Variants in CDH13 observed in about 807,000 individuals in gnomAD.
The protein encoded by CDH13 is cadherin 13.
A neutral mutation model predicts 63.8 loss-of-function variants in CDH13; 24 were observed. The ratio of observed to expected loss-of-function variants is 0.38; its 90% confidence interval spans 0.27 to 0.53. CDH13 has a LOEUF of 0.53. Among genes scored for constraint, CDH13 ranks in the 20% least tolerant of loss-of-function variants. The probability of loss-of-function intolerance (pLI) is 0.85; values close to 1 mark genes in which losing one functional copy is unlikely to be tolerated. For missense variants in CDH13, 1,049 were observed against 903.1 expected, an observed-to-expected ratio of 1.16 and a Z score of -2.07; for synonymous variants, 503 against 355.3, an observed-to-expected ratio of 1.42 and a Z score of -4.67.
Position 82,689,401 on chromosome 16 carries a change from G to T in CDH13, c.45+62264G>T, listed in dbSNP as rs570316594. On this transcript the variant is annotated intron_variant, in intron 1 of 13. Coordinates refer to ENST00000567109, the MANE Select transcript of CDH13 (RefSeq NM_001257.5). The stretch of plus-strand genomic sequence containing the variant: ...TGTTATCATTTGGGTCCATTATTAA[G>T]ACTATCATTATCATAGTCAGTTTAG... Among the ~76,000 whole-genome samples, 17 of 152,216 alleles carry T rather than the reference G, an allele frequency of 1.1e-4. No individual in the cohort carries two copies. In the South Asian group the frequency reaches 3.3e-3, roughly 30 times the overall value.
At chr16:83,190,685 C>T (rs28710960) in intron 4 of CDH13, among the ~76,000 whole-genome samples, 43,419 of 151,992 alleles carry the variant, frequency 0.29, 7,690 homozygotes, top group African/African-American at 0.51. Context: ...GCCCCAAGTG[C>T]TAATACTCTG....
rs370924103 is a variant in CDH13, at chr16:82,671,968, C to G, written c.45+44831C>G. On this transcript the variant is annotated intron_variant, in intron 1 of 13. Transcript: ENST00000567109. ...TTTGTTTATGAATTCTGCCCTCCCCCTCTTGCCCTGAGACTATCACCTGCT... is the reference window on the plus strand; with the variant it reads ...TTTGTTTATGAATTCTGCCCTCCCCGTCTTGCCCTGAGACTATCACCTGCT... Among the ~76,000 whole-genome samples the G allele has an allele frequency of 3.5e-3, 539 of 152,306 alleles. 1 individual carries two copies. Among genetic ancestry groups the G allele is most frequent in the South Asian group, 0.015 (72 of 4,818 alleles).
intron 1 of CDH13, among the ~76,000 whole-genome samples, chr16:82,698,460 C>T (rs1043001656): frequency 7.2e-5 from 11 of 152,222 alleles, no homozygotes; most frequent in African/African-American, 2.2e-4. Flanking sequence ...GCTCACTGCC[C>T]ATGCATATGG....
At chr16:83,247,734 C>T (rs1486194710) in intron 5 of CDH13, among the ~76,000 whole-genome samples, 1 of 152,090 alleles carries the variant, frequency 6.6e-6, no homozygotes, top group South Asian at 2.1e-4. Flanking sequence ...GGAGTCCACC[C>T]CACCTATAAT....
chr16:82,884,173 A>G, intron 2 of CDH13: 1 of 455,794 alleles, frequency 2.2e-6, no homozygotes, highest in Non-Finnish European at 4.4e-6. Context: ...GTTTCTTTCC[A>G]ACATAATACA....
At chr16:82,692,627 C>T (rs181164037) in intron 1 of CDH13, among the ~76,000 whole-genome samples, 54 of 152,272 alleles carry the variant, frequency 3.5e-4, no homozygotes, top group Middle Eastern at 6.8e-3. Flanking sequence ...AATGGGAGCC[C>T]AGCCAGACCA....
chr16:82,983,968 T>C (rs1399928751), intron 2 of CDH13, among the ~76,000 whole-genome samples: 2 of 152,200 alleles, frequency 1.3e-5, no homozygotes, highest in Non-Finnish European at 2.9e-5. Flanking sequence ...TGGAGGCATA[T>C]CTGCCATAGA....
chr16:83,492,208 T>TAAA (rs33992015), intron 7 of CDH13, among the ~76,000 whole-genome samples: 16 of 151,976 alleles, frequency 1.1e-4, no homozygotes, highest in Admixed American at 3.9e-4. Context: ...AGAACAATGG[T>TAAA]AAAAAAGGAT....
At position 83,237,130 on chromosome 16, in the gene CDH13, G is replaced by A. The variant is rs554025472; in HGVS notation, c.636+19633G>A. ...TGGCATGGGCAGCTTTTATGTAGAT[G>A]AAAACAATTTTAGGAAATTGCAGCC... On this transcript the variant is annotated intron_variant, in intron 5 of 13. Transcript: ENST00000567109. 1.1e-3 allele frequency among the ~76,000 whole-genome samples: 163 copies of A among 152,224 alleles called. 1 individual carries two copies. The highest frequency in any genetic ancestry group is 3.8e-3 in the African/African-American group (156 of 41,532).
intron 10 of CDH13, among the ~76,000 whole-genome samples, chr16:83,730,159 T>A (rs77717396): frequency 0.027 from 4,144 of 152,342 alleles, 185 homozygotes; most frequent in African/African-American, 0.094. Context: ...GATTTTTTAT[T>A]TTTCTATAGT....
intron 11 of CDH13, among the ~76,000 whole-genome samples, chr16:83,769,655 T>C (rs949276254): frequency 6.6e-6 from 1 of 152,132 alleles, no homozygotes; most frequent in Non-Finnish European, 1.5e-5. Flanking sequence ...CAGAAATAAG[T>C]TGTAAAAGTG....
intron 1 of CDH13, among the ~76,000 whole-genome samples, chr16:82,774,322 ATTTT>A (rs5818404): frequency 7.7e-4 from 114 of 147,634 alleles, no homozygotes; most frequent in Middle Eastern, 7.1e-3. Context: ...ACTTCAGTTC[ATTTT>A]TTTTTTTTTT....
chr16:83,540,207 G>A (rs769059661), intron 7 of CDH13, among the ~76,000 whole-genome samples: 14 of 151,942 alleles, frequency 9.2e-5, no homozygotes, highest in Admixed American at 2.0e-4. Context: ...TGGTGTTGGA[G>A]GCCGAAAGAT....
chr16:82,738,132 G>A (rs2033768668), intron 1 of CDH13, among the ~76,000 whole-genome samples: 1 of 152,198 alleles, frequency 6.6e-6, no homozygotes, highest in South Asian at 2.1e-4. Context: ...ATGACAGTCT[G>A]TCCTCTGAGA....
chr16:83,214,630 G>A (rs889217148), intron 4 of CDH13, among the ~76,000 whole-genome samples: 1 of 133,786 alleles, frequency 7.5e-6, no homozygotes, highest in East Asian at 2.1e-4. Context: ...CCTCAGAAAA[G>A]GATAGAGATA....
intron 2 of CDH13, among the ~76,000 whole-genome samples, chr16:82,891,294 A>T (rs2041072735): frequency 6.6e-6 from 1 of 152,108 alleles, no homozygotes; most frequent in Non-Finnish European, 1.5e-5. Context: ...TCTAAGAAAG[A>T]AGCAGATTTC....
At chr16:83,591,965 C>G (rs1240344141) in intron 7 of CDH13, among the ~76,000 whole-genome samples, 2 of 152,206 alleles carry the variant, frequency 1.3e-5, no homozygotes, top group East Asian at 1.9e-4. Flanking sequence ...GACACCATCT[C>G]TAATCCTATG....
intron 7 of CDH13, among the ~76,000 whole-genome samples, chr16:83,514,101 G>A (rs149765162): frequency 9.2e-5 from 14 of 152,230 alleles, no homozygotes; most frequent in African/African-American, 3.1e-4. Context: ...AAGCCAATGT[G>A]TATTGTACTT....
chr16:82,872,559 A>T (rs1356114156), intron 2 of CDH13, among the ~76,000 whole-genome samples: 1 of 152,222 alleles, frequency 6.6e-6, no homozygotes, highest in African/African-American at 2.4e-5. Context: ...CTGAGAAAGC[A>T]GAAGTTCTTA....
Sources: gnomAD v4.1 joint callset for allele counts (sites outside exome capture counted in the v4.1 genomes callset) on GRCh38, gnomAD v4.1.1 for gene constraint, MANE v1.5 for transcripts, NCBI Gene and HGNC (gene_info 2026-07-23, HGNC 2026-07-21) for gene names.